Variants in CLRN1 observed in about 807,000 individuals in gnomAD.
CLRN1 encodes clarin-1.
CLRN1 carries 15 observed loss-of-function variants against 18.7 expected under a neutral mutation model. That is an observed-to-expected ratio of 0.80 (90% CI 0.54 to 1.23). CLRN1 has a LOEUF of 1.23. CLRN1 is among the 50% of genes most tolerant of loss of function. CLRN1 has a pLI of 0.00. For synonymous variants in CLRN1, 104 were observed against 102.9 expected (o/e 1.01, Z -0.07); for missense variants, 311 against 277.5 (o/e 1.12, Z -0.86).
intron 2 of CLRN1, chr3:150,940,481 C>T (rs771251007): frequency 2.0e-6 from 3 of 1,534,594 alleles, no homozygotes; most frequent in East Asian, 2.4e-5. Flanking sequence ...AAGAAAGTAC[C>T]TTGAGCCTGG....
chr3:150,962,555 C>T (rs750067077), intron 1 of CLRN1, among the ~76,000 whole-genome samples: 19 of 152,032 alleles, frequency 1.2e-4, no homozygotes, highest in Admixed American at 3.3e-4. Flanking sequence ...ATGCCATGTG[C>T]CTGCTTTTCT....
intron 1 of CLRN1, among the ~76,000 whole-genome samples, chr3:150,968,949 AC>A (rs2107991334): frequency 6.6e-6 from 1 of 152,142 alleles, no homozygotes; most frequent in East Asian, 1.9e-4. Context: ...GCGTCTCTGT[AC>A]AGGGGAGCCA....
intron 1 of CLRN1, chr3:150,942,452 G>C (rs1052906444): frequency 4.3e-6 from 1 of 230,040 alleles, no homozygotes; most frequent in Non-Finnish European, 9.0e-6. Flanking sequence ...AGCATGCTTG[G>C]CATCAGCAAA....
At chr3:150,952,354 C>A (rs1714533637) in intron 1 of CLRN1, among the ~76,000 whole-genome samples, 1 of 152,176 alleles carries the variant, frequency 6.6e-6, no homozygotes, top group African/African-American at 2.4e-5. Flanking sequence ...CAAGGGCCAG[C>A]AACCGATACT....
At chr3:150,951,602 T>G (rs1019279691) in intron 1 of CLRN1, among the ~76,000 whole-genome samples, 9 of 152,120 alleles carry the variant, frequency 5.9e-5, no homozygotes, top group Non-Finnish European at 1.0e-4. Flanking sequence ...CCTCCCAAAG[T>G]GCTGAGATTA....
intron 2 of CLRN1, among the ~76,000 whole-genome samples, chr3:150,933,708 A>G (rs1000196782): frequency 2.0e-5 from 3 of 152,200 alleles, no homozygotes; most frequent in Non-Finnish European, 4.4e-5. Context: ...CAACTGTGAT[A>G]GAAAATGATT....
chr3:150,941,086 G>T (rs1191622221), intron 2 of CLRN1, among the ~76,000 whole-genome samples: 1 of 151,344 alleles, frequency 6.6e-6, no homozygotes, highest in African/African-American at 2.4e-5. Flanking sequence ...TAGTGTCATG[G>T]GTCAGAGACA....
At chr3:150,948,280 C>G (rs994365042) in intron 1 of CLRN1, among the ~76,000 whole-genome samples, 1 of 151,706 alleles carries the variant, frequency 6.6e-6, no homozygotes, top group Non-Finnish European at 1.5e-5. Context: ...GTCAGGAGAT[C>G]GAGACCATCC....
At chr3:150,956,935 A>G (rs1349600763) in intron 1 of CLRN1, among the ~76,000 whole-genome samples, 1 of 151,838 alleles carries the variant, frequency 6.6e-6, no homozygotes, top group African/African-American at 2.4e-5. Context: ...TGTAAACTAA[A>G]CTCTCTCATT....
At chr3:150,948,311 C>T (rs985604916) in intron 1 of CLRN1, among the ~76,000 whole-genome samples, 48 of 151,624 alleles carry the variant, frequency 3.2e-4, no homozygotes, top group African/African-American at 1.1e-3. Flanking sequence ...GGTGAAACCC[C>T]GTCTCTACTA....
chr3:150,964,438 C>A (rs1028324392), intron 1 of CLRN1, among the ~76,000 whole-genome samples: 1 of 152,154 alleles, frequency 6.6e-6, no homozygotes, highest in African/African-American at 2.4e-5. Flanking sequence ...GAAATAGGAA[C>A]GCTTTTACAC....
chr3:150,932,785 C>T (rs916621492), intron 2 of CLRN1, among the ~76,000 whole-genome samples: 3 of 152,130 alleles, frequency 2.0e-5, no homozygotes, highest in African/African-American at 7.2e-5. Context: ...CTCCAGAGAC[C>T]GATGGCTACC....
At chr3:150,940,946 GT>G (rs549082798) in intron 2 of CLRN1, among the ~76,000 whole-genome samples, 13 of 152,290 alleles carry the variant, frequency 8.5e-5, no homozygotes, top group Non-Finnish European at 1.8e-4. Context: ...CTGCTCATAT[GT>G]GGGCGGAACA....
chr3:150,932,851 T>G (rs1182678226), intron 2 of CLRN1, among the ~76,000 whole-genome samples: 1 of 152,166 alleles, frequency 6.6e-6, no homozygotes, highest in East Asian at 1.9e-4. Flanking sequence ...GGGTAGATTT[T>G]GAGATTGTGA....
chr3:150,968,735 A>G (rs571577195), intron 1 of CLRN1, among the ~76,000 whole-genome samples: 89 of 152,352 alleles, frequency 5.8e-4, no homozygotes, highest in Non-Finnish European at 1.1e-3. Context: ...GAAAAATTCA[A>G]TTAAAATATG....
intron 1 of CLRN1, chr3:150,945,718 A>T: frequency 9.1e-7 from 1 of 1,093,394 alleles, no homozygotes; most frequent in South Asian, 1.5e-5. Flanking sequence ...AAACTTTGAG[A>T]TACCATTTTC....
intron 2 of CLRN1, among the ~76,000 whole-genome samples, chr3:150,931,914 C>G (rs540766282): frequency 6.6e-6 from 1 of 152,296 alleles, no homozygotes; most frequent in African/African-American, 2.4e-5. Flanking sequence ...CCTGCCAAAC[C>G]TTGCTGGAGC....
chr3:150,958,211 G>A lies in CLRN1; in HGVS notation c.253+14245C>T, dbSNP rs576443512. On this transcript the variant is annotated intron_variant, in intron 1 of 2. Coordinates refer to ENST00000327047, the MANE Select transcript of CLRN1 (RefSeq NM_174878.3). ...TTCTGTATTCCTTATCTCAGAGAAT[G>A]TAACAACTGTCCATTCAGTAGAAAC... Among the ~76,000 whole-genome samples the A allele has an allele frequency of 1.6e-3, 249 of 152,310 alleles. 2 individuals carry two copies. Among genetic ancestry groups the A allele is most frequent in the African/African-American group, 5.8e-3 (241 of 41,564 alleles).
downstream of CLRN1, chr3:150,926,466 C>G (rs555654322): frequency 2.7e-6 from 1 of 369,758 alleles, no homozygotes; most frequent in East Asian, 6.9e-5. Context: ...GAACCGGGCT[C>G]TAGCCTGTTA....
Sources: gnomAD v4.1 joint callset for allele counts (sites outside exome capture counted in the v4.1 genomes callset) on GRCh38, gnomAD v4.1.1 for gene constraint, MANE v1.5 for transcripts, NCBI Gene and HGNC (gene_info 2026-07-23, HGNC 2026-07-21) for gene names.